The following DAB1 variants were observed in gnomAD, a reference collection of about 807,000 sequenced individuals.
The protein encoded by DAB1 is disabled homolog 1.
Under a neutral mutation model 64.6 loss-of-function variants are expected in DAB1, and 15 were observed. The observed-to-expected ratio is 0.23, with a 90% CI of 0.16 to 0.36. The LOEUF is 0.36. Ranked by LOEUF, DAB1 falls within the 10% of genes least tolerant of loss-of-function variation. DAB1 has a pLI of 1.00. For synonymous variants in DAB1, 235 were observed against 251.9 expected, an observed-to-expected ratio of 0.93 and a Z score of 0.64; for missense variants, 596 against 706.7, an observed-to-expected ratio of 0.84 and a Z score of 1.78.
chr1:57,066,297 G>A (rs184400366), intron 8 of DAB1, among the ~76,000 whole-genome samples: 1 of 152,230 alleles, frequency 6.6e-6, no homozygotes, highest in East Asian at 1.9e-4. Context: ...TCAATTGGGG[G>A]AACTTGATTT....
intron 5 of DAB1, among the ~76,000 whole-genome samples, chr1:57,963,331 G>A (rs567028628): frequency 6.6e-6 from 1 of 152,292 alleles, no homozygotes; most frequent in East Asian, 1.9e-4. Context: ...CACATATGAA[G>A]AGTTAGGGAA....
intron 4 of DAB1, among the ~76,000 whole-genome samples, chr1:57,076,003 A>G (rs1651953477): frequency 6.6e-6 from 1 of 152,198 alleles, no homozygotes; most frequent in South Asian, 2.1e-4. Flanking sequence ...GTCATAAATC[A>G]GAGGGCTTGG....
chr1:57,996,974 C>A (rs1049087228), intron 5 of DAB1, among the ~76,000 whole-genome samples: 2 of 152,098 alleles, frequency 1.3e-5, no homozygotes, highest in Non-Finnish European at 2.9e-5. Flanking sequence ...CTCCACCCCA[C>A]TGCCAACCAG....
chr1:57,825,238 G>A (rs535409632), downstream of DAB1, among the ~76,000 whole-genome samples: 1 of 152,304 alleles, frequency 6.6e-6, no homozygotes, highest in South Asian at 2.1e-4. Context: ...CAGAAAGAAA[G>A]CTCTGACATC....
At chr1:58,061,828 G>A (rs1488856383) in intron 5 of DAB1, among the ~76,000 whole-genome samples, 1 of 152,170 alleles carries the variant, frequency 6.6e-6, no homozygotes, top group African/African-American at 2.4e-5. Context: ...GGTAGGGAAT[G>A]TAACTACCTG....
At chr1:58,279,511 C>A (rs1048320758) in intron 4 of DAB1, among the ~76,000 whole-genome samples, 1 of 152,166 alleles carries the variant, frequency 6.6e-6, no homozygotes, top group Non-Finnish European at 1.5e-5. Context: ...TAAACTAATT[C>A]TCACAACCCT....
intron 5 of DAB1, among the ~76,000 whole-genome samples, chr1:57,960,541 T>G (rs1645494899): frequency 6.7e-6 from 1 of 148,902 alleles, no homozygotes; most frequent in Non-Finnish European, 1.5e-5. Context: ...ATTTAAAAAA[T>G]AGTTGAATAA....
At chr1:57,396,544 T>C (rs1441251540) in intron 1 of DAB1, among the ~76,000 whole-genome samples, 4 of 152,168 alleles carry the variant, frequency 2.6e-5, no homozygotes, top group African/African-American at 4.8e-5. Context: ...ACTTTACGAG[T>C]TTAGCAATTT....
Position 58,312,367 on chromosome 1 carries a change from C to T in DAB1, n.309+30985G>A, listed in dbSNP as rs113609434. Among the ~76,000 whole-genome samples, 971 of 152,272 alleles carry T rather than the reference C, an allele frequency of 6.4e-3. 13 individuals carry two copies. Among genetic ancestry groups the T allele is most frequent in the African/African-American group, 0.021 (855 of 41,562 alleles). On this transcript the variant is annotated intron_variant and non_coding_transcript_variant, in intron 4 of 20. Transcript: ENST00000485760. ...TCATGTAAATGTTTATCAGGCTGCT[C>T]CCATGAACCAGATACTAGGATGTGG...
At chr1:57,763,656 T>C (rs1009416876) in intron 6 of DAB1, among the ~76,000 whole-genome samples, 1 of 152,096 alleles carries the variant, frequency 6.6e-6, no homozygotes, top group African/African-American at 2.4e-5. Context: ...CCAGCCTGAA[T>C]GACAAAGCAA....
At chr1:57,601,822 TTG>T (rs113611186) in intron 7 of DAB1, among the ~76,000 whole-genome samples, 6 of 151,190 alleles carry the variant, frequency 4.0e-5, no homozygotes, top group African/African-American at 7.3e-5. Flanking sequence ...CACACTATTT[TTG>T]TGTGTGTGTG....
intron 7 of DAB1, among the ~76,000 whole-genome samples, chr1:57,628,834 T>G (rs1645954151): frequency 6.6e-6 from 1 of 152,192 alleles, no homozygotes; most frequent in Admixed American, 6.5e-5. Context: ...CATTTCCAGT[T>G]TTTACTCTTT....
intron 1 of DAB1, among the ~76,000 whole-genome samples, chr1:57,323,660 G>A (rs977382679): frequency 1.9e-4 from 29 of 151,606 alleles, no homozygotes; most frequent in African/African-American, 7.0e-4. Context: ...TATCTAGCAG[G>A]GTGTCCAGCC....
At chr1:57,074,249 T>C (rs1223517482) in intron 4 of DAB1, among the ~76,000 whole-genome samples, 1 of 152,234 alleles carries the variant, frequency 6.6e-6, no homozygotes, top group Non-Finnish European at 1.5e-5. Context: ...TGGCACTTAG[T>C]TATGGTTTAA....
At chr1:58,381,297 C>A (rs1644386608) in intron 3 of DAB1, among the ~76,000 whole-genome samples, 1 of 151,550 alleles carries the variant, frequency 6.6e-6, no homozygotes, top group Admixed American at 6.6e-5. Context: ...TATCCCCGAA[C>A]TTAAAATAAA....
intron 3 of DAB1, among the ~76,000 whole-genome samples, chr1:58,455,250 T>C (rs1645182354): frequency 6.6e-6 from 1 of 152,228 alleles, no homozygotes; most frequent in Admixed American, 6.5e-5. Flanking sequence ...TTATGCCCAC[T>C]GGGAAAGCCC....
chr1:57,947,675 C>CA (rs1419931155), intron 5 of DAB1, among the ~76,000 whole-genome samples: 2 of 120,872 alleles, frequency 1.7e-5, no homozygotes, highest in Non-Finnish European at 4.0e-5. Context: ...ATGCAAAGAT[C>CA]ATGAACTAAG....
chr1:57,508,042 C>T (rs1644365377), intron 7 of DAB1, among the ~76,000 whole-genome samples: 1 of 152,192 alleles, frequency 6.6e-6, no homozygotes, highest in Non-Finnish European at 1.5e-5. Context: ...TTTTAACCAG[C>T]TCCCTGCATA....
At chr1:58,502,736 T>C (rs1015306663) in intron 3 of DAB1, among the ~76,000 whole-genome samples, 7 of 152,236 alleles carry the variant, frequency 4.6e-5, no homozygotes, top group African/African-American at 1.7e-4. Flanking sequence ...CTTTGAGTTA[T>C]GACTGTATAT....
Sources: allele counts gnomAD v4.1 joint callset (sites outside exome capture counted in the v4.1 genomes callset), GRCh38; gene constraint gnomAD v4.1.1; transcripts MANE v1.5; gene names NCBI Gene and HGNC (gene_info 2026-07-23, HGNC 2026-07-21).